Variants in JUP observed in about 807,000 individuals in gnomAD.
The protein encoded by JUP is catenin (cadherin-associated protein), gamma 80kDa.
In JUP, 28 loss-of-function variants were observed where a neutral mutation model predicts 71.1. The ratio of observed to expected loss-of-function variants is 0.39; its 90% CI spans 0.29 to 0.54. The LOEUF (loss-of-function observed/expected upper bound fraction) is 0.54. Among genes scored for constraint, JUP ranks in the 20% least tolerant of loss-of-function variants. The pLI is 0.62. For missense variants in JUP, 869 were observed against 1,030.1 expected (o/e 0.84, Z 2.14); for synonymous variants, 401 against 438.9 (o/e 0.91, Z 1.08).
At chr17:41,760,900 T>G (rs1383039557) in intron 8 of JUP, among the ~76,000 whole-genome samples, 1 of 152,210 alleles carries the variant, frequency 6.6e-6, no homozygotes, top group Non-Finnish European at 1.5e-5. Flanking sequence ...AGCTGGCGGA[T>G]GCCCCTGCCA....
intron 1 of JUP, among the ~76,000 whole-genome samples, chr17:41,781,367 AAAG>A (rs557808155): frequency 0.015 from 2,246 of 147,910 alleles, 26 homozygotes; most frequent in Non-Finnish European, 0.02. Flanking sequence ...AAAAAAAAAA[AAAG>A]AAAGAAAGAA....
At chr17:41,760,448 T>C (rs1406064916) in intron 8 of JUP, among the ~76,000 whole-genome samples, 2 of 151,444 alleles carry the variant, frequency 1.3e-5, no homozygotes, top group African/African-American at 2.4e-5. Flanking sequence ...TTAGTAGAGA[T>C]GGGGTTTCAC....
intron 5 of JUP, among the ~76,000 whole-genome samples, chr17:41,766,574 G>T (rs1046814660): frequency 1.3e-5 from 2 of 151,974 alleles, no homozygotes; most frequent in African/African-American, 2.4e-5. Flanking sequence ...TTAGTTGGGG[G>T]TGGGGCACGG....
intron 6 of JUP, 36 bp downstream of exon 6, chr17:41,764,887 T>C (rs781918760): frequency 1.2e-6 from 2 of 1,613,740 alleles, no homozygotes; most frequent in Non-Finnish European, 1.7e-6. Context: ...TGGGCAGAGC[T>C]CCCACCCCAG....
At chr17:41,773,785 T>C (rs1555607835) in intron 1 of JUP, among the ~76,000 whole-genome samples, 1 of 152,154 alleles carries the variant, frequency 6.6e-6, no homozygotes, top group Non-Finnish European at 1.5e-5. Flanking sequence ...ACCATTTCCC[T>C]GCCCCAAGGG....
chr17:41,781,424 G>A (rs1166298153), intron 1 of JUP, among the ~76,000 whole-genome samples: 9 of 152,186 alleles, frequency 5.9e-5, no homozygotes, highest in African/African-American at 1.9e-4. Flanking sequence ...GGCCCCAAAG[G>A]CCAAGATGCC....
rs1567827468 is a variant in JUP at position 41,775,954 on chromosome 17, C to T, written c.-8-4092G>A. Reference sequence around the variant, plus strand: ...CTGGCAGAGTGTGGCCCAGCCCTGACATTAAAAATAGCCCCACCAGAGCTA... The same window carrying T: ...CTGGCAGAGTGTGGCCCAGCCCTGATATTAAAAATAGCCCCACCAGAGCTA... On this transcript the variant is annotated intron_variant, in intron 1 of 13. Coordinates refer to ENST00000393931, the MANE Select transcript of JUP (RefSeq NM_002230.4). 19 of 984,628 alleles carry T rather than the reference C, an allele frequency of 1.9e-5. No individual in the cohort carries two copies. The South Asian group carries it at 5.2e-4, about 27-fold the overall frequency. 61.0% of individuals were successfully genotyped at this position (984,628 alleles called of 1,614,324 possible). A position where few individuals can be genotyped will look rare whatever the true frequency, so the allele number is the denominator to read the frequency against.
At chr17:41,777,196 T>G (rs1555609012) in intron 1 of JUP, among the ~76,000 whole-genome samples, 1 of 151,426 alleles carries the variant, frequency 6.6e-6, no homozygotes, top group East Asian at 2.0e-4. Context: ...AGAAGGGGAG[T>G]GGAACTTCGC....
In JUP at chr17:41,755,586, G is replaced by A. The variant is rs1187261460; in HGVS notation, c.*158C>T. 2.6e-5 allele frequency: 18 copies of A among 682,964 alleles called. No homozygotes were observed. Among genetic ancestry groups the A allele is most frequent in the Non-Finnish European group, 4.1e-5 (18 of 435,732 alleles). The allele number at this position is 682,964 out of a possible 1,614,324, so 42.3% of individuals were successfully genotyped here. On this transcript the variant is annotated 3_prime_UTR_variant, in exon 14 of 14. Transcript: ENST00000393931. ...CCACCAAAGACACAAGAAGAAGGCA[G>A]GCCAGGGCACACCGTGCTTGGGGAA...
chr17:41,761,425 C>G (rs1555601162), intron 8 of JUP, among the ~76,000 whole-genome samples: 1 of 152,156 alleles, frequency 6.6e-6, no homozygotes, highest in African/African-American at 2.4e-5. Flanking sequence ...GGGGATGATA[C>G]AGTCCACTCA....
At chr17:41,756,331 G>A in intron 12 of JUP, 117 bp from the exon 13 acceptor site, 2 of 960,590 alleles carry the variant, frequency 2.1e-6, no homozygotes. Flanking sequence ...TGGGTGCCAT[G>A]GCTCACGCCT....
intron 1 of JUP, among the ~76,000 whole-genome samples, chr17:41,782,650 A>C (rs1262632735): frequency 2.0e-5 from 3 of 152,108 alleles, no homozygotes; most frequent in African/African-American, 7.2e-5. Context: ...TCCACCGGAA[A>C]CTAAAAATCA....
chr17:41,765,072 G>A lies in JUP; in HGVS notation c.910-5C>T, dbSNP rs1750432359. On this transcript the variant is annotated splice_region_variant and splice_polypyrimidine_tract_variant and intron_variant, in intron 5 of 13. Coordinates refer to ENST00000393931, the MANE Select transcript of JUP (RefSeq NM_002230.4). Reference sequence around the variant, plus strand: ...ACCATTGGCCAGGATGATCAGCTATGGGTAAAGAGGGAATGAGTGTGAGAT... The same window carrying A: ...ACCATTGGCCAGGATGATCAGCTATAGGTAAAGAGGGAATGAGTGTGAGAT... 1.2e-6 allele frequency: 2 copies of A among 1,613,696 alleles called. No individual in the cohort carries two copies. The highest frequency in any genetic ancestry group is 2.7e-5 in the African/African-American group (2 of 74,934).
intron 2 of JUP, among the ~76,000 whole-genome samples, chr17:41,770,454 G>A (rs2143712771): frequency 6.6e-6 from 1 of 152,304 alleles, no homozygotes; most frequent in Non-Finnish European, 1.5e-5. Context: ...AGAAGGAGGA[G>A]ACAGCTGCAT....
At chr17:41,783,713 G>T (rs1451316840) in intron 1 of JUP, among the ~76,000 whole-genome samples, 1 of 151,816 alleles carries the variant, frequency 6.6e-6, no homozygotes, top group African/African-American at 2.4e-5. Context: ...GAGGTCAGGA[G>T]ATCAAGACCA....
intron 8 of JUP, among the ~76,000 whole-genome samples, chr17:41,762,160 AGAGAGAGAGAGAGAGAGTGT>A (rs782680003): frequency 2.5e-3 from 267 of 107,390 alleles, no homozygotes; most frequent in African/African-American, 5.5e-3. Context: ...AGAGAGAGAG[AGAGAGAGAGAGAGAGAGTGT>A]GTGTGTGTGT....
rs371395790 is a variant in JUP at position 41,755,837 on chromosome 17, C to G, written c.2145G>C (p.Glu715Asp). ...YSSDVPLDPL[E>D]MHMDMDGDYP... Reference sequence around the variant, plus strand: ...AGTCTCCATCCATGTCCATGTGCATCTCCAGCGGGTCAAGGGGCACATCGC... The same window carrying G: ...AGTCTCCATCCATGTCCATGTGCATGTCCAGCGGGTCAAGGGGCACATCGC... The change falls in exon 14 of 14, where the codon GAG (glutamate) becomes GAC (aspartate). Residue 715 changes from glutamate (E) to aspartate (D), a missense_variant. Transcript: ENST00000393931. 3.7e-6 allele frequency: 6 copies of G among 1,613,392 alleles called. No homozygotes were observed. The African/African-American group carries it at 8.0e-5, about 22-fold the overall frequency.
intron 3 of JUP, 27 bp from the exon 4 acceptor site, chr17:41,769,234 C>T (rs782785499): frequency 1.3e-5 from 20 of 1,593,156 alleles, no homozygotes; most frequent in Admixed American, 3.3e-5. Context: ...GGGGCGGGGA[C>T]GTGAGCACTA....
chr17:41,775,489 C>A (rs868907730), intron 1 of JUP, among the ~76,000 whole-genome samples: 5 of 152,178 alleles, frequency 3.3e-5, no homozygotes, highest in African/African-American at 9.7e-5. Context: ...GTGGAGGGGG[C>A]CACACCCAGT....
Sources: allele counts gnomAD v4.1 joint callset (sites outside exome capture counted in the v4.1 genomes callset), GRCh38; gene constraint gnomAD v4.1.1; transcripts MANE v1.5; gene names NCBI Gene and HGNC (gene_info 2026-07-23, HGNC 2026-07-21).